The following FMN1 variants were observed in gnomAD, a reference collection of about 807,000 sequenced individuals.
FMN1 encodes the protein formin-1.
Under a neutral mutation model 132.4 loss-of-function variants are expected in FMN1, and 110 were observed. That is an observed-to-expected ratio of 0.83 (90% confidence interval 0.71 to 0.97). FMN1 has a LOEUF of 0.97. Ranked by LOEUF, FMN1 falls within the 50% of genes least tolerant of loss-of-function variation. The pLI is 0.00. For missense variants in FMN1, 1,792 were observed against 1,705.3 expected, an observed-to-expected ratio of 1.05 and a Z score of -0.90; for synonymous variants, 722 against 651.7, an observed-to-expected ratio of 1.11 and a Z score of -1.64.
chr15:32,975,517 G>T (rs1242287187), intron 7 of FMN1, among the ~76,000 whole-genome samples: 1 of 152,118 alleles, frequency 6.6e-6, no homozygotes, highest in Non-Finnish European at 1.5e-5. Context: ...GTTGTCAACT[G>T]TTAGACATTA....
chr15:33,012,098 G>C (rs953969267), intron 6 of FMN1: 19 of 404,480 alleles, frequency 4.7e-5, no homozygotes, highest in Non-Finnish European at 7.7e-5. Context: ...AGGAAGCATT[G>C]TCTCTCTTCC....
intron 7 of FMN1, among the ~76,000 whole-genome samples, chr15:32,993,957 C>A (rs943592187): frequency 3.3e-5 from 5 of 151,762 alleles, no homozygotes; most frequent in Non-Finnish European, 5.9e-5. Context: ...GTCACATATT[C>A]CTCTGCTCAG....
At chr15:33,007,690 C>A (rs1356611787) in intron 7 of FMN1, among the ~76,000 whole-genome samples, 1 of 152,016 alleles carries the variant, frequency 6.6e-6, no homozygotes, top group African/African-American at 2.4e-5. Context: ...TAACTTCCAT[C>A]GTACCTAGAA....
intron 19 of FMN1, among the ~76,000 whole-genome samples, chr15:32,791,020 C>T (rs561295252): frequency 2.2e-4 from 33 of 152,218 alleles, no homozygotes; most frequent in Admixed American, 5.2e-4. Flanking sequence ...CCTTGAAAGA[C>T]GACTCTATTT....
chr15:32,861,405 T>C (rs2059265093), intron 16 of FMN1, among the ~76,000 whole-genome samples: 1 of 152,184 alleles, frequency 6.6e-6, no homozygotes, highest in Non-Finnish European at 1.5e-5. Flanking sequence ...GCTCCAATTT[T>C]ATGAGGCCAT....
chr15:33,070,101 G>C (rs534695321), intron 5 of FMN1, among the ~76,000 whole-genome samples: 13 of 141,796 alleles, frequency 9.2e-5, no homozygotes, highest in South Asian at 4.7e-4. Context: ...CGCCTCCCGG[G>C]TTCAAGTGAT....
intron 5 of FMN1, chr15:33,068,254 G>T: frequency 5.3e-6 from 1 of 189,250 alleles, no homozygotes; most frequent in Non-Finnish European, 1.1e-5. Context: ...CCCAACCCAG[G>T]ACTTCACGAG....
chr15:32,832,550 CG>C (rs2058526718), intron 17 of FMN1, among the ~76,000 whole-genome samples: 2 of 151,984 alleles, frequency 1.3e-5, no homozygotes, highest in Admixed American at 1.3e-4. Flanking sequence ...GAGGCCGAGG[CG>C]GGCAGATCAT....
chr15:33,080,523 C>T (rs2038409685), intron 5 of FMN1, among the ~76,000 whole-genome samples: 1 of 152,156 alleles, frequency 6.6e-6, no homozygotes, highest in Non-Finnish European at 1.5e-5. Flanking sequence ...GAGGCCAAGG[C>T]GGACGGATCA....
At chr15:33,072,032 C>A (rs1212719391) in intron 5 of FMN1, among the ~76,000 whole-genome samples, 2 of 152,130 alleles carry the variant, frequency 1.3e-5, no homozygotes, top group African/African-American at 4.8e-5. Context: ...TCAAGACAAA[C>A]TCTCTAACTG....
rs768429448 is a variant in FMN1 at position 32,901,997 on chromosome 15, C to T, written c.3421G>A (p.Ala1141Thr). The change falls in exon 13 of 21, where the codon GCC (alanine) becomes ACC (threonine). Residue 1141 changes from alanine to threonine, a missense_variant. Ala to Thr is a moderately conservative substitution (Grantham distance 58). Coordinates refer to ENST00000616417, the MANE Select transcript of FMN1 (RefSeq NM_001277313.2). ...ACAGATCTGAAGATTATGCACTGGGCACGTTCAGCAAAATTAGGAATCTGG... is the reference window on the plus strand; with the variant it reads ...ACAGATCTGAAGATTATGCACTGGGTACGTTCAGCAAAATTAGGAATCTGG... ...LAQIPNFAER[A>T]QCIIFRSVFS... The T allele has an allele frequency of 3.1e-6, 5 of 1,612,854 alleles. No individual in the cohort carries two copies. The highest frequency in any genetic ancestry group is 1.7e-5 in the Admixed American group (1 of 59,928).
chr15:32,880,845 G>C (rs2059752790), intron 16 of FMN1, among the ~76,000 whole-genome samples: 1 of 152,100 alleles, frequency 6.6e-6, no homozygotes, highest in African/African-American at 2.4e-5. Flanking sequence ...TCCTAGAAGG[G>C]GGTGAGCTTT....
chr15:33,121,302 A>ACTTTGTACCTCTG (rs1472136264), intron 4 of FMN1, among the ~76,000 whole-genome samples: 2 of 152,224 alleles, frequency 1.3e-5, no homozygotes, highest in Non-Finnish European at 2.9e-5. Flanking sequence ...ATGACCAATT[A>ACTTTGTACCTCTG]CTTTGTACCT....
At chr15:33,118,814 A>G (rs1255882359) in intron 4 of FMN1, among the ~76,000 whole-genome samples, 2 of 152,124 alleles carry the variant, frequency 1.3e-5, no homozygotes, top group Non-Finnish European at 2.9e-5. Flanking sequence ...GAATGGTATA[A>G]AATCTTTAAA....
At chr15:32,800,808 A>T (rs1313110527) in intron 18 of FMN1, among the ~76,000 whole-genome samples, 1 of 152,208 alleles carries the variant, frequency 6.6e-6, no homozygotes, top group African/African-American at 2.4e-5. Context: ...CATTTAAGAG[A>T]CAAAATAGTC....
At chr15:32,831,157 A>T (rs1381247471) in intron 17 of FMN1, among the ~76,000 whole-genome samples, 1 of 152,174 alleles carries the variant, frequency 6.6e-6, no homozygotes, top group East Asian at 1.9e-4. Context: ...TTCAATGAGA[A>T]ATGAGATATT....
intron 4 of FMN1, among the ~76,000 whole-genome samples, chr15:33,096,174 G>A (rs998366650): frequency 2.0e-5 from 3 of 152,088 alleles, no homozygotes; most frequent in Admixed American, 2.0e-4. Context: ...GATCCCTGAT[G>A]GCTGACAGAA....
At chr15:33,126,331 G>A (rs952552129) in intron 4 of FMN1, among the ~76,000 whole-genome samples, 3 of 152,204 alleles carry the variant, frequency 2.0e-5, no homozygotes, top group African/African-American at 4.8e-5. Context: ...CTAATAGAGA[G>A]GAGGCAGAAG....
intron 2 of FMN1, among the ~76,000 whole-genome samples, chr15:33,185,568 A>ATTTTTTTTTTTT (rs57232200): frequency 0.018 from 2,047 of 113,094 alleles, 85 homozygotes; most frequent in African/African-American, 0.032. Flanking sequence ...TAAAGTAAGA[A>ATTTTTTTTTTTT]TTTTTTTTTT....
Sources: gnomAD v4.1 joint callset for allele counts (sites outside exome capture counted in the v4.1 genomes callset) on GRCh38, gnomAD v4.1.1 for gene constraint, MANE v1.5 for transcripts, NCBI Gene and HGNC (gene_info 2026-07-23, HGNC 2026-07-21) for gene names.